The following FHOD3 variants were observed in gnomAD, a reference collection of about 807,000 sequenced individuals.
FHOD3 encodes formin homology 2 domain containing 3, also known as FH1/FH2 domain-containing protein 3.
In FHOD3, 90 loss-of-function variants were observed where a neutral mutation model predicts 173.0. The observed-to-expected ratio is 0.52, with a 90% CI of 0.44 to 0.62. The LOEUF is 0.62. FHOD3 is among the 20% of genes least tolerant of loss of function. FHOD3 has a pLI of 0.00. For missense variants in FHOD3, 1,945 were observed against 2,034.7 expected (o/e 0.96, Z 0.85); for synonymous variants, 828 against 823.0 (o/e 1.01, Z -0.10).
chr18:36,692,680 C>G (rs1452747937), intron 16 of FHOD3, among the ~76,000 whole-genome samples: 1 of 152,218 alleles, frequency 6.6e-6, no homozygotes, highest in Non-Finnish European at 1.5e-5. Context: ...ATGGTCAGCA[C>G]TGAGAGAACA....
Position 36,491,480 on chromosome 18 carries a change from C to T in FHOD3, c.338-10452C>T, listed in dbSNP as rs541186812. Among the ~76,000 whole-genome samples, 31 of 152,224 alleles carry T rather than the reference C, an allele frequency of 2.0e-4. No homozygotes were observed. The South Asian group carries it at 6.4e-3, about 32-fold the overall frequency. ...ATGGTGTATATTCTATGGGTTTTGACAAATGTATAATGGTACTATCCACCA... is the reference window on the plus strand; with the variant it reads ...ATGGTGTATATTCTATGGGTTTTGATAAATGTATAATGGTACTATCCACCA... On this transcript the variant is annotated intron_variant, in intron 3 of 28. Coordinates refer to ENST00000590592, the MANE Select transcript of FHOD3 (RefSeq NM_001281740.3).
intron 3 of FHOD3, among the ~76,000 whole-genome samples, chr18:36,480,226 A>C (rs1165563643): frequency 6.6e-6 from 1 of 152,114 alleles, no homozygotes. Flanking sequence ...AGGGGCCCCT[A>C]CTGTGCCCAT....
chr18:36,317,039 C>A (rs988096596), intron 1 of FHOD3, among the ~76,000 whole-genome samples: 1 of 152,062 alleles, frequency 6.6e-6, no homozygotes, highest in Non-Finnish European at 1.5e-5. Context: ...CATGTCCCTG[C>A]AAAGGACATG....
chr18:36,757,313 T>C (rs1307372309), intron 25 of FHOD3, among the ~76,000 whole-genome samples: 5 of 152,238 alleles, frequency 3.3e-5, no homozygotes, highest in African/African-American at 7.2e-5. Flanking sequence ...GATTGCCCTC[T>C]GCTGGAACAT....
At chr18:36,305,112 G>A (rs2092058369) in intron 1 of FHOD3, among the ~76,000 whole-genome samples, 1 of 152,176 alleles carries the variant, frequency 6.6e-6, no homozygotes, top group African/African-American at 2.4e-5. Context: ...AAAGAGGGAG[G>A]AAGATCAATT....
At chr18:36,604,167 A>G (rs1209230862) in intron 8 of FHOD3, among the ~76,000 whole-genome samples, 1 of 152,134 alleles carries the variant, frequency 6.6e-6, no homozygotes, top group Admixed American at 6.5e-5. Flanking sequence ...CATGCCTTAG[A>G]GCACAGGCAC....
At chr18:36,335,460 A>T (rs1037298006) in intron 1 of FHOD3, among the ~76,000 whole-genome samples, 3 of 149,946 alleles carry the variant, frequency 2.0e-5, no homozygotes, top group Non-Finnish European at 4.4e-5. Flanking sequence ...GCGCCACTGC[A>T]CTCCAGCCTG....
intron 1 of FHOD3, among the ~76,000 whole-genome samples, chr18:36,355,060 T>G (rs1437623813): frequency 1.3e-5 from 2 of 152,186 alleles, no homozygotes; most frequent in African/African-American, 2.4e-5. Context: ...AATACTTTAT[T>G]GAGCAACATT....
intron 16 of FHOD3, among the ~76,000 whole-genome samples, chr18:36,687,926 G>A (rs1412047052): frequency 1.3e-5 from 2 of 152,050 alleles, no homozygotes; most frequent in Admixed American, 6.5e-5. Context: ...ATACAATTTT[G>A]TAAGAAAAAC....
At chr18:36,339,030 G>C (rs949791774) in intron 1 of FHOD3, among the ~76,000 whole-genome samples, 11 of 152,134 alleles carry the variant, frequency 7.2e-5, no homozygotes, top group Non-Finnish European at 1.3e-4. Flanking sequence ...CCTGCCCAGG[G>C]GAGATGAAGT....
intron 3 of FHOD3, among the ~76,000 whole-genome samples, chr18:36,391,714 T>C (rs2048307918): frequency 6.6e-6 from 1 of 152,134 alleles, no homozygotes; most frequent in Non-Finnish European, 1.5e-5. Context: ...AAGGGCATGG[T>C]TGGTCATCGT....
At chr18:36,621,037 C>A (rs2033661793) in intron 9 of FHOD3, among the ~76,000 whole-genome samples, 1 of 152,156 alleles carries the variant, frequency 6.6e-6, no homozygotes, top group Non-Finnish European at 1.5e-5. Context: ...GCCCAATTTC[C>A]TGTAATTTAA....
chr18:36,759,922 T>C (rs902681871), intron 26 of FHOD3, among the ~76,000 whole-genome samples: 5 of 152,246 alleles, frequency 3.3e-5, no homozygotes, highest in African/African-American at 4.8e-5. Flanking sequence ...TTTTAAAATA[T>C]ATATGTCCTG....
intron 3 of FHOD3, among the ~76,000 whole-genome samples, chr18:36,376,900 A>G (rs2047467894): frequency 6.6e-6 from 1 of 152,260 alleles, no homozygotes; most frequent in Admixed American, 6.5e-5. Flanking sequence ...TTCATCTCAC[A>G]GCCAGCCGAT....
At chr18:36,342,583 A>G (rs1208497506) in intron 1 of FHOD3, among the ~76,000 whole-genome samples, 1 of 152,244 alleles carries the variant, frequency 6.6e-6, no homozygotes, top group Non-Finnish European at 1.5e-5. Flanking sequence ...GAAAATAACT[A>G]CTAATGTAGC....
intron 5 of FHOD3, among the ~76,000 whole-genome samples, chr18:36,570,896 A>G (rs776428333): frequency 1.3e-5 from 2 of 152,152 alleles, no homozygotes; most frequent in East Asian, 1.9e-4. Context: ...TTACAAAAAC[A>G]TATGTCTAAC....
At chr18:36,617,610 T>TGTGTGTGTATGC (rs1555783671) in intron 9 of FHOD3, among the ~76,000 whole-genome samples, 2 of 146,006 alleles carry the variant, frequency 1.4e-5, no homozygotes, top group African/African-American at 2.5e-5. Flanking sequence ...TGTGTGTGTG[T>TGTGTGTGTATGC]GTGTGTGTGC....
chr18:36,626,079 A>G (rs1304789994), intron 10 of FHOD3, among the ~76,000 whole-genome samples: 3 of 152,178 alleles, frequency 2.0e-5, no homozygotes, highest in Non-Finnish European at 2.9e-5. Flanking sequence ...AAAACACAAA[A>G]CTTTGGCCTA....
intron 5 of FHOD3, among the ~76,000 whole-genome samples, chr18:36,517,133 C>T (rs1022261615): frequency 3.9e-5 from 6 of 152,094 alleles, no homozygotes; most frequent in Non-Finnish European, 8.8e-5. Context: ...AACTGTACAA[C>T]GTGGAGGAAT....
Sources: gnomAD v4.1 joint callset for allele counts (sites outside exome capture counted in the v4.1 genomes callset) on GRCh38, gnomAD v4.1.1 for gene constraint, MANE v1.5 for transcripts, NCBI Gene and HGNC (gene_info 2026-07-23, HGNC 2026-07-21) for gene names.